The following ANKRD12 variants were observed in gnomAD, a reference collection of about 807,000 sequenced individuals.
The protein encoded by ANKRD12 is ankyrin repeat domain 12.
ANKRD12 carries 85 observed loss-of-function variants against 183.4 expected under a neutral mutation model. That is an observed-to-expected ratio of 0.46 (90% CI 0.39 to 0.56). The LOEUF (loss-of-function observed/expected upper bound fraction) is 0.56. Among genes scored for constraint, ANKRD12 ranks in the 20% least tolerant of loss-of-function variants. ANKRD12 has a pLI of 0.00. For synonymous variants in ANKRD12, 914 were observed against 800.2 expected (o/e 1.14, Z -2.40); for missense variants, 2,405 against 2,357.1 (o/e 1.02, Z -0.42).
chr18:9,203,651 C>T (rs1168796501), intron 3 of ANKRD12, among the ~76,000 whole-genome samples: 2 of 152,022 alleles, frequency 1.3e-5, no homozygotes, highest in Admixed American at 6.6e-5. Flanking sequence ...GTCACCCAGG[C>T]TGGAGTACAA....
chr18:9,158,919 T>C (rs193275483), intron 1 of ANKRD12, among the ~76,000 whole-genome samples: 1 of 152,326 alleles, frequency 6.6e-6, no homozygotes, highest in Admixed American at 6.5e-5. Flanking sequence ...ATACCTTGGG[T>C]TATAATCCAA....
At chr18:9,196,382 G>C (rs141798420) in intron 3 of ANKRD12, among the ~76,000 whole-genome samples, 1 of 152,138 alleles carries the variant, frequency 6.6e-6, no homozygotes, top group East Asian at 1.9e-4. Flanking sequence ...TTTTAGCCCT[G>C]AACTAACCGA....
chr18:9,224,605 T>TAC (rs2036605712), intron 8 of ANKRD12, among the ~76,000 whole-genome samples: 1 of 152,200 alleles, frequency 6.6e-6, no homozygotes, highest in Non-Finnish European at 1.5e-5. Flanking sequence ...GCTGGCACCA[T>TAC]ACACTGTTGT....
intron 1 of ANKRD12, among the ~76,000 whole-genome samples, chr18:9,178,339 C>G (rs974452186): frequency 9.4e-6 from 1 of 106,164 alleles, no homozygotes; most frequent in Non-Finnish European, 2.1e-5. Context: ...CTCTCTCTCT[C>G]TCTCGTTTTT....
intron 8 of ANKRD12, among the ~76,000 whole-genome samples, chr18:9,248,130 C>T (rs2038071336): frequency 6.6e-6 from 1 of 152,156 alleles, no homozygotes; most frequent in African/African-American, 2.4e-5. Context: ...GTTTTCTTAC[C>T]TTATTTCAAA....
At chr18:9,203,303 A>G (rs2035283038) in intron 3 of ANKRD12, among the ~76,000 whole-genome samples, 1 of 152,160 alleles carries the variant, frequency 6.6e-6, no homozygotes, top group Admixed American at 6.5e-5. Context: ...AAATTTTCAA[A>G]TACGATGCTT....
At chr18:9,208,154 T>C (rs1303134189) in intron 4 of ANKRD12, among the ~76,000 whole-genome samples, 1 of 152,226 alleles carries the variant, frequency 6.6e-6, no homozygotes, top group Non-Finnish European at 1.5e-5. Flanking sequence ...AATGATTTGG[T>C]ACTTTTTTTC....
chr18:9,256,198 C>T lies in ANKRD12; in HGVS notation c.2931C>T (p.His977=), dbSNP rs139388576. 1.0e-4 allele frequency: 165 copies of T among 1,573,480 alleles called. No individual in the cohort carries two copies. The highest frequency in any genetic ancestry group is 1.3e-4 in the Non-Finnish European group (157 of 1,167,096). ...KESINITNSK[H]IQEEKKSSIV... The stretch of plus-strand genomic sequence containing the variant: ...GTATAAATATAACTAACTCCAAACA[C>T]ATACAGGAAGAAAAAAAATCAAGTA... Residue 977 remains histidine, a synonymous_variant, in exon 9 of 13, where the codon CAC becomes CAT. Coordinates refer to ENST00000262126, the MANE Select transcript of ANKRD12 (RefSeq NM_015208.5).
At chr18:9,235,117 TA>T (rs2037270999) in intron 8 of ANKRD12, among the ~76,000 whole-genome samples, 1 of 130,674 alleles carries the variant, frequency 7.7e-6, no homozygotes, top group Non-Finnish European at 1.7e-5. Context: ...GATATCTCTA[TA>T]GTCTGCCATC....
At chr18:9,196,607 CAT>C (rs1246969988) in intron 3 of ANKRD12, among the ~76,000 whole-genome samples, 1 of 152,160 alleles carries the variant, frequency 6.6e-6, no homozygotes, top group Non-Finnish European at 1.5e-5. Flanking sequence ...TGAAAATACT[CAT>C]AAAGATTTTT....
chr18:9,167,655 A>G (rs1166890139), intron 1 of ANKRD12, among the ~76,000 whole-genome samples: 2 of 152,298 alleles, frequency 1.3e-5, no homozygotes, highest in African/African-American at 2.4e-5. Flanking sequence ...CAATCATGTC[A>G]TCTGCAAACA....
intron 8 of ANKRD12, among the ~76,000 whole-genome samples, chr18:9,238,151 C>T (rs1243982426): frequency 3.3e-5 from 5 of 152,180 alleles, no homozygotes; most frequent in Non-Finnish European, 7.3e-5. Flanking sequence ...TTCTCCTTGG[C>T]TTTCGTCCAG....
At chr18:9,227,764 AT>A (rs2036807648) in intron 8 of ANKRD12, among the ~76,000 whole-genome samples, 1 of 152,178 alleles carries the variant, frequency 6.6e-6, no homozygotes, top group African/African-American at 2.4e-5. Context: ...AGTGAGGGTA[AT>A]TGGGGTATCC....
At chr18:9,250,733 C>CT (rs1271159605) in intron 8 of ANKRD12, among the ~76,000 whole-genome samples, 1 of 152,056 alleles carries the variant, frequency 6.6e-6, no homozygotes, top group Non-Finnish European at 1.5e-5. Context: ...AAACAAGAGA[C>CT]TCCAGAAATC....
Position 9,254,484 on chromosome 18 carries a change from T to C in ANKRD12, c.1217T>C (p.Phe406Ser). 1 of 1,559,308 alleles carries C rather than the reference T, an allele frequency of 6.4e-7. No homozygotes were observed. Among genetic ancestry groups the C allele is most frequent in the East Asian group, 2.3e-5 (1 of 43,920 alleles). ...THLFAKQEKAFYPKSFKSKKQ... is the reference protein window; with the variant it reads ...THLFAKQEKASYPKSFKSKKQ... ...TTATTTGCAAAACAGGAGAAAGCCT[T>C]CTATCCTAAATCATTTAAAAGTAAA... Residue 406 changes from phenylalanine to serine, a missense_variant, in exon 9 of 13, where the codon TTC (phenylalanine) becomes TCC (serine). Physicochemically the swap from Phe to Ser is radical, Grantham distance 155. Transcript: ENST00000262126.
At position 9,258,002 on chromosome 18, in the gene ANKRD12, G is replaced by C. The variant is rs774924565; in HGVS notation, c.4735G>C (p.Ala1579Pro). ...AGAAGCATCACCAAACTTTGAGAAA[G>C]CTTATACTTTACCTGTGTTACCATC... ...IQEASPNFEKAYTLPVLPSEK... is the reference protein window; with the variant it reads ...IQEASPNFEKPYTLPVLPSEK... The change falls in exon 9 of 13, where the codon GCT becomes CCT. Residue 1579 changes from alanine (A) to proline (P), a missense_variant. Physicochemically the swap from Ala to Pro is conservative, Grantham distance 27 (BLOSUM62 -1). Transcript: ENST00000262126. 1 of 1,613,766 alleles carries C rather than the reference G, an allele frequency of 6.2e-7. No homozygotes were observed. Among genetic ancestry groups the C allele is most frequent in the East Asian group, 2.2e-5 (1 of 44,872 alleles).
chr18:9,263,017 C>T (rs544208821), intron 9 of ANKRD12, among the ~76,000 whole-genome samples: 3 of 151,898 alleles, frequency 2.0e-5, no homozygotes, highest in East Asian at 3.9e-4. Flanking sequence ...AGGCTGGTCT[C>T]GAACTACTAA....
chr18:9,190,100 A>G (rs1295364163), intron 2 of ANKRD12, among the ~76,000 whole-genome samples: 1 of 152,234 alleles, frequency 6.6e-6, no homozygotes, highest in East Asian at 1.9e-4. Context: ...GGAAGTCAAA[A>G]TACCAATATT....
At chr18:9,248,193 T>TG (rs2038075637) in intron 8 of ANKRD12, among the ~76,000 whole-genome samples, 1 of 152,238 alleles carries the variant, frequency 6.6e-6, no homozygotes, top group Admixed American at 6.5e-5. Flanking sequence ...AACTTGCTTG[T>TG]GGGGATTTTG....
Sources: gnomAD v4.1 joint callset for allele counts (sites outside exome capture counted in the v4.1 genomes callset) on GRCh38, gnomAD v4.1.1 for gene constraint, MANE v1.5 for transcripts, NCBI Gene and HGNC (gene_info 2026-07-23, HGNC 2026-07-21) for gene names.